Variants in SLC31A1 observed in about 807,000 individuals in gnomAD.
SLC31A1 encodes solute carrier family 31 member 1, also known as high affinity copper uptake protein 1.
A neutral mutation model predicts 17.2 loss-of-function variants in SLC31A1; 5 were observed. The ratio of observed to expected loss-of-function variants is 0.29; its 90% CI spans 0.15 to 0.61. The LOEUF is 0.61. Among genes scored for constraint, SLC31A1 ranks in the 20% least tolerant of loss-of-function variants. The pLI is 0.86. For synonymous variants in SLC31A1, 76 were observed against 78.8 expected (o/e 0.96, Z 0.19); for missense variants, 161 against 241.4 (o/e 0.67, Z 2.21).
intron 1 of SLC31A1, among the ~76,000 whole-genome samples, chr9:113,233,554 C>A (rs1241951055): frequency 1.3e-5 from 2 of 152,132 alleles, no homozygotes; most frequent in Non-Finnish European, 2.9e-5. Context: ...TTTAATTTCC[C>A]CTCCCTCTGG....
At chr9:113,222,739 C>T (rs1265898017) in intron 1 of SLC31A1, among the ~76,000 whole-genome samples, 2 of 152,154 alleles carry the variant, frequency 1.3e-5, no homozygotes, top group Non-Finnish European at 2.9e-5. Flanking sequence ...GCACTAGAAC[C>T]GGAACTGGAA....
intron 2 of SLC31A1, 101 bp from the exon 3 acceptor site, chr9:113,257,012 A>C: frequency 1.0e-6 from 1 of 971,408 alleles, no homozygotes; most frequent in Non-Finnish European, 1.7e-6. Flanking sequence ...GTCTCTTATT[A>C]TCCAGATCTT....
At chr9:113,246,127 T>G (rs1291030886) in intron 1 of SLC31A1, among the ~76,000 whole-genome samples, 1 of 152,058 alleles carries the variant, frequency 6.6e-6, no homozygotes, top group African/African-American at 2.4e-5. Context: ...CACCACTCAC[T>G]GCAGCCATGA....
chr9:113,235,841 G>T (rs1831452361), intron 1 of SLC31A1, among the ~76,000 whole-genome samples: 1 of 152,220 alleles, frequency 6.6e-6, no homozygotes, highest in African/African-American at 2.4e-5. Context: ...CTTTGGCAAG[G>T]TGCCTCTCAG....
At chr9:113,229,934 A>C (rs540311943) in intron 1 of SLC31A1, among the ~76,000 whole-genome samples, 1 of 152,338 alleles carries the variant, frequency 6.6e-6, no homozygotes, top group African/African-American at 2.4e-5. Context: ...TTTCAGTATA[A>C]TACTATTCAA....
At chr9:113,253,692 T>TA (rs1221191044) in intron 1 of SLC31A1, among the ~76,000 whole-genome samples, 1 of 151,532 alleles carries the variant, frequency 6.6e-6, no homozygotes, top group East Asian at 1.9e-4. Flanking sequence ...TAGCTGGGAT[T>TA]ACAGGCGCGT....
At chr9:113,260,192 G>C (rs1831775567) in intron 4 of SLC31A1, 80 bp from the exon 5 acceptor site, 9 of 1,255,022 alleles carry the variant, frequency 7.2e-6, no homozygotes, top group Non-Finnish European at 9.4e-6. Flanking sequence ...CTGAGCTCAT[G>C]GCAAGAACTC....
chr9:113,237,291 T>C (rs893944179), intron 1 of SLC31A1, among the ~76,000 whole-genome samples: 10 of 152,138 alleles, frequency 6.6e-5, no homozygotes, highest in Non-Finnish European at 2.9e-5. Flanking sequence ...GGGGTAACGA[T>C]TAGATTTAGC....
At chr9:113,252,946 CTTTTTTTCTT>C (rs1831673203) in intron 1 of SLC31A1, among the ~76,000 whole-genome samples, 1 of 113,734 alleles carries the variant, frequency 8.8e-6, no homozygotes, top group African/African-American at 3.6e-5. Context: ...CTTTTCTTTT[CTTTTTTTCTT>C]TTTTTTTTTT....
chr9:113,255,732 G>C (rs768428377), intron 1 of SLC31A1: 1 of 158,726 alleles, frequency 6.3e-6, no homozygotes, highest in South Asian at 1.8e-4. Flanking sequence ...GTAGCCCTAC[G>C]TGTAAACCCT....
In SLC31A1 at chr9:113,260,312, C is replaced by G; in HGVS notation, c.412C>G (p.Leu138Val). The G allele has an allele frequency of 1.9e-6, 3 of 1,614,192 alleles. No individual in the cohort carries two copies. The highest frequency in any genetic ancestry group is 2.5e-6 in the Non-Finnish European group (3 of 1,180,030). ...CTTTCCTCACCTCCTGCAAACAGTG[C>G]TGCACATCATCCAGGTGGTCATAAG... is the stretch of plus-strand genomic sequence containing the variant. ...LSFPHLLQTV[L>V]HIIQVVISYF... is the part of the protein sequence containing the mutation. Residue 138 changes from leucine (L) to valine (V), a missense_variant, in exon 5 of 5, where the codon CTG becomes GTG. Physicochemically the swap from Leu to Val is conservative, Grantham distance 32. Transcript: ENST00000374212.
intron 1 of SLC31A1, 56 bp downstream of exon 1, chr9:113,221,734 C>A: frequency 4.6e-6 from 1 of 216,402 alleles, no homozygotes; most frequent in Non-Finnish European, 9.7e-6. Flanking sequence ...CCGTCCTTTT[C>A]CCAGCGGGAC....
Position 113,258,439 on chromosome 9 carries a change from G to A in SLC31A1, c.203-255G>A, listed in dbSNP as rs936981904. Among the ~76,000 whole-genome samples, 5 of 152,154 alleles carry A rather than the reference G, an allele frequency of 3.3e-5. No homozygotes were observed. Among genetic ancestry groups the A allele is most frequent in the African/African-American group, 1.2e-4 (5 of 41,448 alleles). On this transcript the variant is annotated intron_variant, in intron 3 of 4. Coordinates refer to ENST00000374212, the MANE Select transcript of SLC31A1 (RefSeq NM_001859.4). The surrounding 1 kb of genome is among the most constrained non-coding windows in gnomAD (Gnocchi z 4.8). The stretch of plus-strand genomic sequence containing the variant: ...CTAATTTAATGATATCAAGCAGTCT[G>A]ACCAAAAGGTTATTGTTGTTCTGAT...
intron 1 of SLC31A1, among the ~76,000 whole-genome samples, chr9:113,248,462 CTT>C (rs34154634): frequency 2.3e-5 from 2 of 86,548 alleles, no homozygotes; most frequent in South Asian, 4.8e-4. Flanking sequence ...GAAAGCAGTC[CTT>C]TTTTTTTTTT....
chr9:113,231,643 C>T (rs10513190), intron 1 of SLC31A1, among the ~76,000 whole-genome samples: 16,538 of 151,882 alleles, frequency 0.11, 1,227 homozygotes, highest in Non-Finnish European at 0.15. Flanking sequence ...CTGGTAGGAA[C>T]AGCATTGGAA....
At chr9:113,237,164 C>A (rs980067783) in intron 1 of SLC31A1, among the ~76,000 whole-genome samples, 1 of 152,156 alleles carries the variant, frequency 6.6e-6, no homozygotes, top group Non-Finnish European at 1.5e-5. Context: ...CCATTTTCAC[C>A]CCACTTAGAG....
At chr9:113,243,924 C>G (rs570854291) in intron 1 of SLC31A1, among the ~76,000 whole-genome samples, 11 of 152,034 alleles carry the variant, frequency 7.2e-5, no homozygotes, top group Non-Finnish European at 1.2e-4. Context: ...GAGGCCAAGG[C>G]AGGCAGATCA....
chr9:113,257,077 T>G, intron 2 of SLC31A1, 36 bp from the exon 3 acceptor site: 2 of 1,549,414 alleles, frequency 1.3e-6, no homozygotes, highest in Non-Finnish European at 1.8e-6. Context: ...AGAATTTTCA[T>G]TCATCTCTAA....
intron 1 of SLC31A1, 85 bp from the exon 2 acceptor site, chr9:113,256,029 A>G: frequency 1.9e-6 from 2 of 1,037,084 alleles, no homozygotes; most frequent in South Asian, 1.6e-5. Flanking sequence ...TGGGCAACAT[A>G]GCAAGATTCC....
Sources: allele counts gnomAD v4.1 joint callset (sites outside exome capture counted in the v4.1 genomes callset), GRCh38; gene constraint gnomAD v4.1.1; non-coding constraint Gnocchi (gnomAD v3.1); transcripts MANE v1.5; gene names NCBI Gene and HGNC (gene_info 2026-07-23, HGNC 2026-07-21).